Variants in RTEL1 observed in about 807,000 individuals in gnomAD.
RTEL1 encodes the protein regulator of telomere length.
Under a neutral mutation model 162.2 loss-of-function variants are expected in RTEL1, and 86 were observed. The observed-to-expected ratio is 0.53, with a 90% CI of 0.45 to 0.63. The LOEUF (loss-of-function observed/expected upper bound fraction) is 0.63. Among genes scored for constraint, RTEL1 ranks in the 30% least tolerant of loss-of-function variants. RTEL1 has a pLI of 0.00. For synonymous variants in RTEL1, 958 were observed against 717.9 expected, an observed-to-expected ratio of 1.33 and a Z score of -5.35; for missense variants, 1,941 against 1,750.2, an observed-to-expected ratio of 1.11 and a Z score of -1.95.
intron 14 of RTEL1, among the ~76,000 whole-genome samples, chr20:63,684,045 C>CATT (rs1429676296): frequency 1.8e-5 from 1 of 55,632 alleles, no homozygotes; most frequent in Non-Finnish European, 3.9e-5. Context: ...ACACATGTTT[C>CATT]CTTGTCAGAT....
intron 30 of RTEL1, 38 bp downstream of exon 30, chr20:63,693,321 G>C (rs370956422): frequency 4.4e-6 from 7 of 1,607,986 alleles, no homozygotes; most frequent in Middle Eastern, 1.7e-4. Context: ...AGACTCCTGC[G>C]TGGAAGGCAG....
chr20:63,689,761 G>A lies in RTEL1; in HGVS notation c.2037G>A (p.Gly679=). 3 of 1,612,130 alleles carry A rather than the reference G, an allele frequency of 1.9e-6. No homozygotes were observed. Among genetic ancestry groups the A allele is most frequent in the Non-Finnish European group, 1.7e-6 (2 of 1,179,700 alleles). ...GCCTCGCCCCACAGTTCCTCTCTGG[G>A]CAGGAGTGGTACCGGCAGCAGGCGT... ...QGGAGGQFLS[G]QEWYRQQASR... is the part of the protein sequence containing the mutation. Residue 679 remains glycine (G), a synonymous_variant, in exon 24 of 35, where the codon GGG becomes GGA. Coordinates refer to ENST00000360203, the MANE Select transcript of RTEL1 (RefSeq NM_001283009.2).
chr20:63,666,922 C>G (rs1159346254), intron 7 of RTEL1, among the ~76,000 whole-genome samples: 1 of 150,054 alleles, frequency 6.7e-6, no homozygotes, highest in Non-Finnish European at 1.5e-5. Context: ...TCACTGCAAG[C>G]TCCGCCTCCC....
intron 4 of RTEL1, 101 bp from the exon 5 acceptor site, chr20:63,662,445 C>G (rs539333247): frequency 1.9e-6 from 3 of 1,570,170 alleles, no homozygotes; most frequent in Non-Finnish European, 2.6e-6. Context: ...TTCCTCTGAC[C>G]GCCGAGGCTC....
At chr20:63,673,628 G>A (rs1011022428) in intron 9 of RTEL1, among the ~76,000 whole-genome samples, 22 of 151,934 alleles carry the variant, frequency 1.4e-4, no homozygotes, top group East Asian at 2.0e-4. Context: ...TTGTAGAGGC[G>A]GGGTTTCCCA....
chr20:63,692,690 C>A, intron 28 of RTEL1, 115 bp from the exon 29 acceptor site: 3 of 1,019,630 alleles, frequency 2.9e-6, no homozygotes, highest in Non-Finnish European at 4.3e-6. Context: ...GGCAGCAGCC[C>A]CACCTCGGCA....
At chr20:63,687,891 G>T (rs769003206) in intron 17 of RTEL1, 46 bp from the exon 18 acceptor site, 1 of 1,604,444 alleles carries the variant, frequency 6.2e-7, no homozygotes, top group Admixed American at 1.7e-5. Context: ...GGCTAAAGGG[G>T]TGCTGGTGCA....
chr20:63,680,522 C>A, intron 13 of RTEL1, 142 bp from the exon 14 acceptor site: 1 of 814,986 alleles, frequency 1.2e-6, no homozygotes, highest in Non-Finnish European at 2.0e-6. Context: ...TGAATGGATG[C>A]TGCGCTCCAC....
intron 28 of RTEL1, chr20:63,692,403 T>C (rs531109447): frequency 1.3e-3 from 358 of 286,378 alleles, no homozygotes; most frequent in African/African-American, 7.5e-3. Context: ...GTCTGGGGTG[T>C]GTAGAGAGAT....
intron 8 of RTEL1, among the ~76,000 whole-genome samples, chr20:63,667,947 T>G (rs1345404920): frequency 1.2e-5 from 1 of 80,376 alleles, no homozygotes; most frequent in African/African-American, 5.1e-5. Context: ...TCACTCCCCC[T>G]CCCAGCATGT....
In RTEL1 at chr20:63,661,056, T is replaced by C. The variant is rs73920920; in HGVS notation, c.103-242T>C. On this transcript the variant is annotated intron_variant, in intron 2 of 34. Transcript: ENST00000360203. This position sits in a 1 kb window ranked among gnomAD's most constrained non-coding sequence, Gnocchi z 5.1. ...CTATTTAAGCTGAAAAATAGTGTCG[T>C]GTTTTGGGTAACGTTCTGCAAATCG... Among the ~76,000 whole-genome samples the C allele has an allele frequency of 0.084, 12,870 of 152,328 alleles. 605 individuals are homozygous for C. Among genetic ancestry groups the C allele is most frequent in the African/African-American group, 0.11 (4,594 of 41,556 alleles).
chr20:63,691,603 G>C (rs1290906001), intron 27 of RTEL1, 139 bp from the exon 28 acceptor site: 4 of 684,204 alleles, frequency 5.8e-6, no homozygotes, highest in Non-Finnish European at 1.0e-5. Flanking sequence ...TGTCACCGGG[G>C]TGTGCTGTGC....
chr20:63,688,435 G>A (rs766422252), intron 20 of RTEL1, 49 bp downstream of exon 20: 23 of 1,606,752 alleles, frequency 1.4e-5, no homozygotes, highest in Non-Finnish European at 2.0e-5. Context: ...CAGGGCTGGA[G>A]CATGAAGCAG....
intron 16 of RTEL1, chr20:63,687,372 A>G (rs2090619766): frequency 2.2e-6 from 1 of 445,362 alleles, no homozygotes; most frequent in Non-Finnish European, 4.0e-6. Context: ...GAGTGGGCTG[A>G]CCTCTCTGCA....
At chr20:63,676,244 T>C (rs1433837537) in intron 10 of RTEL1, among the ~76,000 whole-genome samples, 1 of 152,130 alleles carries the variant, frequency 6.6e-6, no homozygotes, top group Non-Finnish European at 1.5e-5. Context: ...GCCACTGTGC[T>C]TGGCAGGGTC....
chr20:63,678,219 T>TG, intron 11 of RTEL1, 36 bp downstream of exon 11: 1 of 1,613,166 alleles, frequency 6.2e-7, no homozygotes. Context: ...TGCAGCTGGG[T>TG]GGGGCCTCCT....
rs866837044 is a variant in RTEL1, at chr20:63,689,851, C to T, written c.2127C>T (p.Phe709=). 6 of 1,609,370 alleles carry T rather than the reference C, an allele frequency of 3.7e-6. No individual in the cohort carries two copies. Among genetic ancestry groups the T allele is most frequent in the Middle Eastern group, 1.6e-4 (1 of 6,070 alleles). The change falls in exon 24 of 35, where the codon TTC becomes TTT. Residue 709 remains phenylalanine, a synonymous_variant. Transcript: ENST00000360203. ...IRHRQDYGAV[F]LCDHRFAFAD... is the part of the protein sequence containing the mutation. ...ACCGCCAGGACTACGGAGCTGTCTT[C>T]CTCTGTGACCACAGGTGCGTGCAGT...
chr20:63,675,369 A>C (rs2090328699), intron 10 of RTEL1, among the ~76,000 whole-genome samples: 1 of 152,160 alleles, frequency 6.6e-6, no homozygotes, highest in Non-Finnish European at 1.5e-5. Flanking sequence ...GACGGACACC[A>C]CGGGGACCCT....
chr20:63,693,446 C>T, intron 30 of RTEL1, among the ~76,000 whole-genome samples, 163 bp downstream of exon 30: 1 of 132,790 alleles, frequency 7.5e-6, no homozygotes, highest in Non-Finnish European at 1.6e-5. Context: ...CCAGCACCAG[C>T]AGCACCACCT....
Sources: gnomAD v4.1 joint callset for allele counts (sites outside exome capture counted in the v4.1 genomes callset) on GRCh38, gnomAD v4.1.1 for gene constraint, Gnocchi (gnomAD v3.1) non-coding constraint, MANE v1.5 for transcripts, NCBI Gene and HGNC (gene_info 2026-07-23, HGNC 2026-07-21) for gene names.